The following MELK variants were observed in gnomAD, a reference collection of about 807,000 sequenced individuals.
MELK encodes maternal embryonic leucine zipper kinase, also known as pEg3 kinase.
A neutral mutation model predicts 85.0 loss-of-function variants in MELK; 81 were observed. The observed-to-expected ratio is 0.95, with a 90% CI of 0.80 to 1.15. MELK has a LOEUF of 1.15. Ranked by LOEUF, MELK falls within the 50% of genes most tolerant of loss-of-function variation. The probability of loss-of-function intolerance (pLI) is 0.00; values close to 1 mark genes in which losing one functional copy is unlikely to be tolerated. For synonymous variants in MELK, 252 were observed against 265.0 expected, an observed-to-expected ratio of 0.95 and a Z score of 0.48; for missense variants, 754 against 777.5, an observed-to-expected ratio of 0.97 and a Z score of 0.36.
At chr9:36,579,862 AT>A (rs1257771011) in intron 1 of MELK, among the ~76,000 whole-genome samples, 5 of 152,030 alleles carry the variant, frequency 3.3e-5, no homozygotes, top group Non-Finnish European at 5.9e-5. Flanking sequence ...GATCTACCTA[AT>A]TTTTTTTACA....
At chr9:36,667,228 TCA>T (rs1361496277) in intron 14 of MELK, among the ~76,000 whole-genome samples, 2 of 152,006 alleles carry the variant, frequency 1.3e-5, no homozygotes, top group Non-Finnish European at 2.9e-5. Context: ...CGATCTCGGC[TCA>T]CTGCAACCTC....
chr9:36,646,049 T>A (rs7027722), intron 11 of MELK, among the ~76,000 whole-genome samples: 5,222 of 152,024 alleles, frequency 0.034, 288 homozygotes, highest in African/African-American at 0.12. Context: ...GTAACTGGGG[T>A]TTGTGTATGT....
intron 8 of MELK, among the ~76,000 whole-genome samples, chr9:36,625,752 C>T (rs190409381): frequency 6.6e-5 from 10 of 152,194 alleles, no homozygotes; most frequent in Non-Finnish European, 1.5e-4. Flanking sequence ...GAGACCCTGT[C>T]TCTACTAAAA....
At chr9:36,586,507 T>A (rs1458414740) in intron 3 of MELK, among the ~76,000 whole-genome samples, 1 of 152,194 alleles carries the variant, frequency 6.6e-6, no homozygotes, top group African/African-American at 2.4e-5. Flanking sequence ...TTCCTCCAGT[T>A]TTTTTGTTTT....
chr9:36,677,584 G>T lies in MELK; in HGVS notation c.*247G>T. 1 of 299,554 alleles carries T rather than the reference G, an allele frequency of 3.3e-6. No homozygotes were observed. Among genetic ancestry groups the T allele is most frequent in the South Asian group, 1.2e-4 (1 of 8,148 alleles). The allele number at this position is 299,554 out of a possible 1,614,324, so 18.6% of individuals were successfully genotyped here. On this transcript the variant is annotated 3_prime_UTR_variant, in exon 18 of 18. Transcript: ENST00000298048. ...GTGGTTTTGTATATTAATAATTGTT[G>T]ACTTTCTTAGATTCACTTCCATATG...
chr9:36,670,911 T>C (rs145562915), intron 15 of MELK, 87 bp from the exon 16 acceptor site: 2 of 1,382,630 alleles, frequency 1.4e-6, no homozygotes, highest in Admixed American at 2.5e-5. Context: ...CATCCTAATG[T>C]GTATGAAGGG....
intron 11 of MELK, among the ~76,000 whole-genome samples, chr9:36,645,554 T>C (rs1830148754): frequency 6.6e-6 from 1 of 152,160 alleles, no homozygotes; most frequent in Non-Finnish European, 1.5e-5. Flanking sequence ...TCTTTTCTCA[T>C]TCTTAAATCC....
chr9:36,666,843 A>G (rs1271928030), intron 14 of MELK, among the ~76,000 whole-genome samples: 26 of 129,300 alleles, frequency 2.0e-4, no homozygotes, highest in African/African-American at 7.7e-4. Flanking sequence ...TGTCCTGATG[A>G]TGTCTGTGTT....
At chr9:36,654,349 C>CTTTTTTT (rs34436735) in intron 12 of MELK, among the ~76,000 whole-genome samples, 33 of 84,146 alleles carry the variant, frequency 3.9e-4, no homozygotes, top group South Asian at 1.0e-3. Context: ...ATTGGATTGT[C>CTTTTTTT]TTTTTTTTTT....
At chr9:36,670,122 A>T (rs1245100491) in intron 15 of MELK, among the ~76,000 whole-genome samples, 2 of 152,172 alleles carry the variant, frequency 1.3e-5, no homozygotes, top group Admixed American at 1.3e-4. Flanking sequence ...TGAAAAATGC[A>T]TTCAGGTTCC....
chr9:36,616,360 T>A (rs1826783165), intron 8 of MELK, among the ~76,000 whole-genome samples: 1 of 150,550 alleles, frequency 6.6e-6, no homozygotes, highest in Non-Finnish European at 1.5e-5. Context: ...GTTGGAAAAT[T>A]ATTAAAGGTA....
intron 12 of MELK, 54 bp downstream of exon 12, chr9:36,651,931 T>A: frequency 6.6e-7 from 1 of 1,506,342 alleles, no homozygotes; most frequent in Non-Finnish European, 9.0e-7. Context: ...TTCCTGAGTG[T>A]GTATACCACT....
chr9:36,613,778 G>A (rs987467416), intron 8 of MELK, among the ~76,000 whole-genome samples: 1 of 152,144 alleles, frequency 6.6e-6, no homozygotes, highest in African/African-American at 2.4e-5. Flanking sequence ...GTCAAGGGAG[G>A]GTGAGAGGGC....
chr9:36,585,302 GTTTTTTTTTT>G (rs869244728), intron 3 of MELK, among the ~76,000 whole-genome samples: 1 of 77,830 alleles, frequency 1.3e-5, no homozygotes, highest in East Asian at 3.9e-4. Flanking sequence ...ACCATTCTTT[GTTTTTTTTTT>G]TTTTTTTTTT....
At chr9:36,606,476 T>C (rs1825521505) in intron 7 of MELK, among the ~76,000 whole-genome samples, 1 of 141,694 alleles carries the variant, frequency 7.1e-6, no homozygotes, top group Non-Finnish European at 1.5e-5. Context: ...TGTATATATA[T>C]ACATATGTAT....
chr9:36,627,053 A>ACACACACAC (rs1554725931), intron 8 of MELK, among the ~76,000 whole-genome samples: 1 of 140,870 alleles, frequency 7.1e-6, no homozygotes, highest in African/African-American at 2.6e-5. Context: ...CACAAGCGCA[A>ACACACACAC]ACACACACAC....
chr9:36,655,620 A>G (rs544163557), intron 12 of MELK, among the ~76,000 whole-genome samples: 1 of 152,316 alleles, frequency 6.6e-6, no homozygotes, highest in South Asian at 2.1e-4. Context: ...CATGATTTTG[A>G]AAAATTAATC....
chr9:36,608,799 T>C (rs1194641963), intron 8 of MELK, among the ~76,000 whole-genome samples: 1 of 152,074 alleles, frequency 6.6e-6, no homozygotes, highest in Non-Finnish European at 1.5e-5. Context: ...GTCAGGCTGG[T>C]CTCGAACTCC....
intron 5 of MELK, among the ~76,000 whole-genome samples, chr9:36,595,165 T>G (rs1185580456): frequency 6.6e-6 from 1 of 151,878 alleles, no homozygotes; most frequent in Non-Finnish European, 1.5e-5. Context: ...AGACGGAGTC[T>G]CACTCCGTCG....
Sources: allele counts gnomAD v4.1 joint callset (sites outside exome capture counted in the v4.1 genomes callset), GRCh38; gene constraint gnomAD v4.1.1; transcripts MANE v1.5; gene names NCBI Gene and HGNC (gene_info 2026-07-23, HGNC 2026-07-21).